CDCA2: variants seen among roughly 807,000 people sequenced by gnomAD.
The protein encoded by CDCA2 is cell division cycle-associated protein 2.
A neutral mutation model predicts 67.0 loss-of-function variants in CDCA2; 44 were observed. That is an observed-to-expected ratio of 0.66 (90% CI 0.52 to 0.84). CDCA2 has a LOEUF of 0.84. Among genes scored for constraint, CDCA2 ranks in the 40% least tolerant of loss-of-function variants. CDCA2 has a pLI of 0.00. For synonymous variants in CDCA2, 447 were observed against 418.7 expected, an observed-to-expected ratio of 1.07 and a Z score of -0.82; for missense variants, 1,253 against 1,203.2, an observed-to-expected ratio of 1.04 and a Z score of -0.61.
intron 7 of CDCA2, among the ~76,000 whole-genome samples, chr8:25,478,014 C>A (rs1803418172): frequency 6.6e-6 from 1 of 151,354 alleles, no homozygotes; most frequent in African/African-American, 2.4e-5. Context: ...GCAGCCTCAA[C>A]CTCCTGAGCT....
intron 3 of CDCA2, among the ~76,000 whole-genome samples, chr8:25,461,832 A>G (rs1032969159): frequency 1.3e-5 from 2 of 152,240 alleles, no homozygotes; most frequent in Non-Finnish European, 2.9e-5. Context: ...TAACTGTTCT[A>G]TGTACCAGGC....
rs1804749692 is a variant in CDCA2, at chr8:25,507,882, G to A, written c.*144G>A. The A allele has an allele frequency of 5.9e-6, 4 of 677,318 alleles. No homozygotes were observed. The highest frequency in any genetic ancestry group is 8.6e-5 in the South Asian group (2 of 23,308). 42.0% of individuals were successfully genotyped at this position (677,318 alleles called of 1,614,324 possible). A position where few individuals can be genotyped will look rare whatever the true frequency, so the allele number is the denominator to read the frequency against. ...TCATTTGAGTTGAACCTACTTTTAT[G>A]TAGAAATAAATAAGTTTCTTCATCA... On this transcript the variant is annotated 3_prime_UTR_variant, in exon 15 of 15. Transcript: ENST00000330560.
intron 4 of CDCA2, among the ~76,000 whole-genome samples, chr8:25,463,494 G>A (rs1055187386): frequency 3.3e-5 from 5 of 151,886 alleles, no homozygotes; most frequent in Non-Finnish European, 7.4e-5. Context: ...TAGCACAAAA[G>A]GTTACCTACA....
chr8:25,473,826 A>AAC (rs1304380284), intron 7 of CDCA2, among the ~76,000 whole-genome samples: 4 of 152,124 alleles, frequency 2.6e-5, no homozygotes, highest in Non-Finnish European at 4.4e-5. Flanking sequence ...ACCAGTTTAA[A>AAC]ACACACACAC....
intron 13 of CDCA2, among the ~76,000 whole-genome samples, chr8:25,499,779 A>G (rs769664740): frequency 1.3e-5 from 2 of 152,186 alleles, no homozygotes; most frequent in Non-Finnish European, 1.5e-5. Context: ...CAATCCCTTC[A>G]GTTGTTCTTT....
At chr8:25,490,614 T>C (rs184753440) in intron 13 of CDCA2, among the ~76,000 whole-genome samples, 40 of 152,174 alleles carry the variant, frequency 2.6e-4, no homozygotes, top group African/African-American at 9.2e-4. Flanking sequence ...TGAGAGGTGG[T>C]ACTGAAAAAC....
At chr8:25,506,449 T>C (rs1804678911) in intron 14 of CDCA2, 61 bp from the exon 15 acceptor site, 2 of 1,403,050 alleles carry the variant, frequency 1.4e-6, no homozygotes, top group Non-Finnish European at 1.9e-6. Context: ...ATTTAATAAA[T>C]GTAAAGTTCA....
At chr8:25,477,834 C>A (rs1803409674) in intron 7 of CDCA2, among the ~76,000 whole-genome samples, 1 of 152,134 alleles carries the variant, frequency 6.6e-6, no homozygotes, top group African/African-American at 2.4e-5. Flanking sequence ...ACCTGCTCAT[C>A]TCTGTTTTCC....
Position 25,473,294 on chromosome 8 carries a change from G to A in CDCA2, c.820+3314G>A, listed in dbSNP as rs1407231250. ...TTTCATTGATGAGAATGATGTTAGC[G>A]ACAGGTTTGTCATGTATGTCCTTTA... On this transcript the variant is annotated intron_variant, in intron 7 of 14. Coordinates refer to ENST00000330560, the MANE Select transcript of CDCA2 (RefSeq NM_152562.4). 4.6e-5 allele frequency among the ~76,000 whole-genome samples: 7 copies of A among 152,118 alleles called. No individual in the cohort carries two copies. In the South Asian group the frequency reaches 8.3e-4, roughly 18 times the overall value.
chr8:25,481,323 C>T (rs1470682593), intron 8 of CDCA2, among the ~76,000 whole-genome samples: 7 of 151,454 alleles, frequency 4.6e-5, no homozygotes, highest in South Asian at 2.1e-4. Flanking sequence ...AACATCTGAA[C>T]GATCCATGGA....
At chr8:25,467,389 A>AG (rs1802958226) in intron 5 of CDCA2, among the ~76,000 whole-genome samples, 1 of 152,180 alleles carries the variant, frequency 6.6e-6, no homozygotes, top group Non-Finnish European at 1.5e-5. Flanking sequence ...TGACCCATTC[A>AG]GATGTACCGA....
At chr8:25,481,129 C>T (rs1803551600) in intron 8 of CDCA2, among the ~76,000 whole-genome samples, 1 of 150,756 alleles carries the variant, frequency 6.6e-6, no homozygotes, top group Non-Finnish European at 1.5e-5. Context: ...GTTCAAAGAG[C>T]TGATTTGGGG....
intron 13 of CDCA2, among the ~76,000 whole-genome samples, chr8:25,496,152 A>G (rs560260638): frequency 1.3e-5 from 2 of 152,342 alleles, no homozygotes; most frequent in Admixed American, 6.5e-5. Context: ...AGGATGCTAA[A>G]AAAAACTACT....
At chr8:25,482,929 A>G (rs1803626186) in intron 8 of CDCA2, among the ~76,000 whole-genome samples, 1 of 152,198 alleles carries the variant, frequency 6.6e-6, no homozygotes, top group African/African-American at 2.4e-5. Flanking sequence ...ATTAGGTATT[A>G]TAAGTATTAT....
chr8:25,461,140 G>A (rs1448265869), intron 3 of CDCA2, among the ~76,000 whole-genome samples: 1 of 151,894 alleles, frequency 6.6e-6, no homozygotes, highest in Non-Finnish European at 1.5e-5. Flanking sequence ...GGTGGTGCAT[G>A]CCTGTAATCC....
Position 25,469,994 on chromosome 8 carries a change from T to TC in CDCA2, c.820+15dup. 1 of 1,532,772 alleles carries TC rather than the reference T, an allele frequency of 6.5e-7. No homozygotes were observed. The highest frequency in any genetic ancestry group is 1.4e-5 in the African/African-American group (1 of 73,430). The allele number at this position is 1,532,772 out of a possible 1,614,324, so 94.9% of individuals were successfully genotyped here. A position where few individuals can be genotyped will look rare whatever the true frequency, so the allele number is the denominator to read the frequency against. On this transcript the variant is annotated intron_variant, in intron 7 of 14. Transcript: ENST00000330560. The stretch of plus-strand genomic sequence containing the variant: ...AGACTTCAAATGGTAAGTAATCTTT[T>TC]CTTAGTACATGGCCAGTTGCCCGAT...
chr8:25,459,649 G>A (rs1479236450), intron 1 of CDCA2, among the ~76,000 whole-genome samples, 176 bp downstream of exon 1: 1 of 152,240 alleles, frequency 6.6e-6, no homozygotes, highest in Non-Finnish European at 1.5e-5. Context: ...TGCGTCTTGA[G>A]AGGGGTACCC....
intron 11 of CDCA2, 124 bp downstream of exon 11, chr8:25,485,961 C>T (rs543522866): frequency 1.9e-6 from 1 of 532,522 alleles, no homozygotes; most frequent in Non-Finnish European, 3.3e-6. Flanking sequence ...TTAAAAACAC[C>T]TAATAGTATT....
intron 8 of CDCA2, among the ~76,000 whole-genome samples, chr8:25,482,775 T>C (rs544081475): frequency 3.8e-4 from 58 of 152,172 alleles, no homozygotes; most frequent in Middle Eastern, 6.8e-3. Context: ...GAGGCTGAGG[T>C]AGGAGAATGG....
Sources: allele counts gnomAD v4.1 joint callset (sites outside exome capture counted in the v4.1 genomes callset), GRCh38; gene constraint gnomAD v4.1.1; transcripts MANE v1.5; gene names NCBI Gene and HGNC (gene_info 2026-07-23, HGNC 2026-07-21).